The following CUX2 variants were observed in gnomAD, a reference collection of about 807,000 sequenced individuals.
The protein encoded by CUX2 is homeobox protein cut-like 2.
Under a neutral mutation model 144.8 loss-of-function variants are expected in CUX2, and 40 were observed. The ratio of observed to expected loss-of-function variants is 0.28; its 90% CI spans 0.21 to 0.36. The LOEUF (loss-of-function observed/expected upper bound fraction) is 0.36. CUX2 is among the 10% of genes least tolerant of loss of function. CUX2 has a pLI of 1.00. For missense variants in CUX2, 1,615 were observed against 1,994.0 expected (o/e 0.81, Z 3.62); for synonymous variants, 827 against 875.6 (o/e 0.94, Z 0.98).
intron 1 of CUX2, among the ~76,000 whole-genome samples, chr12:111,162,208 C>T (rs1877817755): frequency 6.6e-6 from 1 of 152,238 alleles, no homozygotes. Context: ...GAGGTGAGAA[C>T]TGCCCCTGGC....
chr12:111,348,280 A>G lies in CUX2; in HGVS notation c.4416A>G (p.Val1472=). The G allele has an allele frequency of 6.2e-7, 1 of 1,613,374 alleles. No homozygotes were observed. Among genetic ancestry groups the G allele is most frequent in the Non-Finnish European group, 8.5e-7 (1 of 1,179,876 alleles). Residue 1472 remains valine (V), a synonymous_variant, in exon 22 of 22, where the codon GTA becomes GTG. Transcript: ENST00000261726. ...MANLNNIIYR[V]ERAANREEAL... is the part of the protein sequence containing the mutation. ...ATCTGAACAACATCATTTACCGAGT[A>G]GAGCGGGCTGCCAATCGGGAGGAGG... is the stretch of plus-strand genomic sequence containing the variant.
chr12:111,110,518 GA>G (rs1229006497), intron 1 of CUX2, among the ~76,000 whole-genome samples: 1 of 152,170 alleles, frequency 6.6e-6, no homozygotes, highest in African/African-American at 2.4e-5. Context: ...TTCTACATTT[GA>G]GGTTAAAACT....
intron 3 of CUX2, among the ~76,000 whole-genome samples, chr12:111,257,577 CTCT>C (rs1432817221): frequency 1.7e-5 from 2 of 117,634 alleles, no homozygotes; most frequent in South Asian, 6.5e-4. Flanking sequence ...CCTCCTCCTC[CTCT>C]TTCCTCTCCC....
intron 1 of CUX2, among the ~76,000 whole-genome samples, chr12:111,056,694 G>A (rs1870544329): frequency 1.3e-5 from 2 of 152,258 alleles, no homozygotes; most frequent in South Asian, 2.1e-4. Flanking sequence ...GGAGGAGGAC[G>A]TAGATCCCAC....
intron 1 of CUX2, among the ~76,000 whole-genome samples, chr12:111,130,359 C>T (rs1875390076): frequency 6.6e-6 from 1 of 152,200 alleles, no homozygotes; most frequent in South Asian, 2.1e-4. Context: ...CTCTCCACTT[C>T]TAGGAACACC....
At chr12:111,308,231 C>G in intron 12 of CUX2, 54 bp from the exon 13 acceptor site, 1 of 1,607,272 alleles carries the variant, frequency 6.2e-7, no homozygotes, top group Non-Finnish European at 8.5e-7. Flanking sequence ...TGAAAGACCT[C>G]TCCTCCAGCC....
intron 4 of CUX2, among the ~76,000 whole-genome samples, chr12:111,282,721 C>T (rs1318337304): frequency 6.6e-6 from 1 of 151,478 alleles, no homozygotes; most frequent in Non-Finnish European, 1.5e-5. Context: ...AGTCCAAGAT[C>T]AAGGTGCCTT....
At chr12:111,341,676 C>T (rs1241729869) in intron 20 of CUX2, 104 bp from the exon 21 acceptor site, 14 of 1,354,178 alleles carry the variant, frequency 1.0e-5, no homozygotes, top group Middle Eastern at 2.0e-4. Flanking sequence ...TGATGGCCTC[C>T]GAGTGGGCCT....
chr12:111,056,000 C>T (rs779172128), intron 1 of CUX2, among the ~76,000 whole-genome samples: 5 of 152,170 alleles, frequency 3.3e-5, no homozygotes, highest in South Asian at 4.1e-4. Context: ...GGGCTTCCTG[C>T]GTTCTTTCCC....
intron 1 of CUX2, among the ~76,000 whole-genome samples, chr12:111,082,836 G>A (rs139555903): frequency 4.1e-4 from 63 of 152,320 alleles, no homozygotes; most frequent in Non-Finnish European, 7.5e-4. Context: ...TGGGCAATGT[G>A]GAAGTTAGGC....
At position 111,312,290 on chromosome 12, in the gene CUX2, G is replaced by C. The variant is rs1307975203; in HGVS notation, c.2002+89G>C. ...GCTTCGTCTACCTTTGTCCACCCCA[G>C]AGGGAATCCAAGGTGGATCAGAACC... On this transcript the variant is annotated intron_variant, in intron 16 of 21. Transcript: ENST00000261726. The surrounding 1 kb of genome is among the most constrained non-coding windows in gnomAD (Gnocchi z 4.3). 6.6e-6 allele frequency: 8 copies of C among 1,203,754 alleles called. No homozygotes were observed. Among genetic ancestry groups the C allele is most frequent in the Non-Finnish European group, 9.4e-6 (8 of 850,112 alleles). The allele number at this position is 1,203,754 out of a possible 1,614,324, so 74.6% of individuals were successfully genotyped here. A position where few individuals can be genotyped will look rare whatever the true frequency, so the allele number is the denominator to read the frequency against.
At position 111,307,172 on chromosome 12, in the gene CUX2, C is replaced by A. The variant is rs1886630959; in HGVS notation, c.1051-27C>A. On this transcript the variant is annotated intron_variant, in intron 11 of 21. Transcript: ENST00000261726. The surrounding 1 kb of genome is among the most constrained non-coding windows in gnomAD (Gnocchi z 4.1). ...CCCCATGCAGAAGCACACAGACCAG[C>A]CTCACCATCTTTCTTTGCTCTTCTA... is the stretch of plus-strand genomic sequence containing the variant. The A allele has an allele frequency of 6.2e-7, 1 of 1,613,850 alleles. No individual in the cohort carries two copies. Among genetic ancestry groups the A allele is most frequent in the South Asian group, 1.1e-5 (1 of 91,068 alleles).
intron 3 of CUX2, among the ~76,000 whole-genome samples, chr12:111,260,023 C>T (rs112077731): frequency 0.03 from 4,490 of 151,336 alleles, 88 homozygotes; most frequent in Middle Eastern, 0.048. Context: ...ATTAGCCAGG[C>T]GTGGTGGTGG....
chr12:111,111,481 A>G (rs921289370), intron 1 of CUX2, among the ~76,000 whole-genome samples: 1 of 152,184 alleles, frequency 6.6e-6, no homozygotes, highest in African/African-American at 2.4e-5. Flanking sequence ...CAAGGCCCAC[A>G]TTCAGTTGGA....
Position 111,068,175 on chromosome 12 carries a change from A to G in CUX2, c.63+33935A>G, listed in dbSNP as rs1023728518. On this transcript the variant is annotated intron_variant, in intron 1 of 21. Coordinates refer to ENST00000261726, the MANE Select transcript of CUX2 (RefSeq NM_015267.4). This position sits in a 1 kb window ranked among gnomAD's most constrained non-coding sequence, Gnocchi z 4.9. ...CTCCCCGCTTTATCTTTGATCTCAA[A>G]AAAAGATCATCTTGGAAAAGATTGT... is the stretch of plus-strand genomic sequence containing the variant. Among the ~76,000 whole-genome samples the G allele has an allele frequency of 1.3e-5, 2 of 152,114 alleles. No individual in the cohort carries two copies. Among genetic ancestry groups the G allele is most frequent in the African/African-American group, 4.8e-5 (2 of 41,402 alleles).
chr12:111,348,044 T>A lies in CUX2; in HGVS notation c.4180T>A (p.Ser1394Thr). Reference protein sequence around the residue: ...SESSRCSLEVSLNSPSAASSP... With the variant: ...SESSRCSLEVTLNSPSAASSP... ...GTCCTCACGCTGCAGCCTGGAGGTG[T>A]CACTGAACTCGCCCTCGGCCGCCTC... The change falls in exon 22 of 22, where the codon TCA becomes ACA. Residue 1394 changes from serine to threonine, a missense_variant. Ser to Thr is a moderately conservative substitution (Grantham distance 58). Transcript: ENST00000261726. 1 of 1,614,060 alleles carries A rather than the reference T, an allele frequency of 6.2e-7. No homozygotes were observed. Among genetic ancestry groups the A allele is most frequent in the Non-Finnish European group, 8.5e-7 (1 of 1,180,022 alleles).
intron 1 of CUX2, among the ~76,000 whole-genome samples, chr12:111,074,496 A>G (rs1871413962): frequency 6.6e-6 from 1 of 151,968 alleles, no homozygotes; most frequent in African/African-American, 2.4e-5. Context: ...GCTGTGAGTG[A>G]AGATAGAGGC....
intron 1 of CUX2, among the ~76,000 whole-genome samples, chr12:111,047,949 G>T (rs778036974): frequency 6.6e-6 from 1 of 152,206 alleles, no homozygotes; most frequent in Non-Finnish European, 1.5e-5. Context: ...CACAGTTCAG[G>T]CAGGGGAGCT....
chr12:111,288,774 C>G (rs1381090683), intron 4 of CUX2, among the ~76,000 whole-genome samples: 1 of 152,108 alleles, frequency 6.6e-6, no homozygotes, highest in African/African-American at 2.4e-5. Flanking sequence ...ACCAGCTTGG[C>G]CAACATGGTG....
Sources: allele counts gnomAD v4.1 joint callset (sites outside exome capture counted in the v4.1 genomes callset), GRCh38; gene constraint gnomAD v4.1.1; non-coding constraint Gnocchi (gnomAD v3.1); transcripts MANE v1.5; gene names NCBI Gene and HGNC (gene_info 2026-07-23, HGNC 2026-07-21).